SUZ12: variants seen among roughly 807,000 people sequenced by gnomAD.
The protein encoded by SUZ12 is SUZ12 polycomb repressive complex 2 subunit, also known as polycomb protein SUZ12.
A neutral mutation model predicts 87.3 loss-of-function variants in SUZ12; 17 were observed. The observed-to-expected ratio is 0.19, with a 90% CI of 0.13 to 0.29. The LOEUF is 0.29. Among genes scored for constraint, SUZ12 ranks in the 10% least tolerant of loss-of-function variants. SUZ12 has a pLI of 1.00. For missense variants in SUZ12, 526 were observed against 912.2 expected, an observed-to-expected ratio of 0.58 and a Z score of 5.45; for synonymous variants, 253 against 312.4, an observed-to-expected ratio of 0.81 and a Z score of 2.01.
rs373188812 is a variant in SUZ12 at position 31,947,680 on chromosome 17, T to G, written c.450T>G (p.Ser150=). Residue 150 remains serine, a synonymous_variant, in exon 4 of 16, where the codon TCT becomes TCG. Transcript: ENST00000322652. ...AGAAAATGAAAGGAGAGCAAGAATC[T>G]CATAGGTAAGATAATCTATCAGTTT... ...KVEKMKGEQE[S]HSLSAHLQLT... is the part of the protein sequence containing the mutation. 1 of 1,607,844 alleles carries G rather than the reference T, an allele frequency of 6.2e-7. No individual in the cohort carries two copies. Among genetic ancestry groups the G allele is most frequent in the Non-Finnish European group, 8.5e-7 (1 of 1,176,404 alleles).
intron 4 of SUZ12, among the ~76,000 whole-genome samples, chr17:31,954,057 CTATT>C (rs761551803): frequency 7.9e-5 from 12 of 150,978 alleles, no homozygotes; most frequent in South Asian, 2.1e-4. Flanking sequence ...CCTTTTTTGA[CTATT>C]TATTTATTTA....
chr17:31,990,502 T>TAA (rs2142208841), intron 10 of SUZ12, among the ~76,000 whole-genome samples: 1 of 152,138 alleles, frequency 6.6e-6, no homozygotes, highest in South Asian at 2.1e-4. Flanking sequence ...TAGCTGACAT[T>TAA]ACAGGCACAC....
At chr17:31,939,199 T>TA (rs1282676081) in intron 1 of SUZ12, among the ~76,000 whole-genome samples, 1 of 152,186 alleles carries the variant, frequency 6.6e-6, no homozygotes, top group Non-Finnish European at 1.5e-5. Flanking sequence ...ACAAAATAGA[T>TA]ACAACTTTAA....
rs1045554025 is a variant in SUZ12, at chr17:32,000,030, C to G, written c.*1027C>G. 1.3e-5 allele frequency: 3 copies of G among 232,694 alleles called. No homozygotes were observed. The highest frequency in any genetic ancestry group is 6.6e-5 in the African/African-American group (3 of 45,296). The allele number at this position is 232,694 out of a possible 1,614,324, so 14.4% of individuals were successfully genotyped here. A position where few individuals can be genotyped will look rare whatever the true frequency, so the allele number is the denominator to read the frequency against. On this transcript the variant is annotated 3_prime_UTR_variant, in exon 16 of 16. Transcript: ENST00000322652. ...ACTTGAATCATTTTGAGCAATTTTG[C>G]CCTGTGTTATATGTGTTTCACGCAC...
chr17:31,969,607 T>C (rs999110556), intron 5 of SUZ12, among the ~76,000 whole-genome samples: 2 of 152,156 alleles, frequency 1.3e-5, no homozygotes, highest in African/African-American at 2.4e-5. Flanking sequence ...AAAATAACTA[T>C]TCTATTTTAA....
chr17:31,975,346 T>C (rs146177775), intron 6 of SUZ12, 136 bp from the exon 7 acceptor site: 5 of 591,228 alleles, frequency 8.5e-6, no homozygotes, highest in Non-Finnish European at 1.4e-5. Flanking sequence ...TGCAGAACTA[T>C]GGTTAGAATT....
intron 10 of SUZ12, among the ~76,000 whole-genome samples, chr17:31,992,860 A>G (rs914111607): frequency 1.3e-5 from 2 of 152,064 alleles, no homozygotes; most frequent in Middle Eastern, 3.4e-3. Context: ...GCCCGCCACC[A>G]CGCCCTGCTA....
chr17:31,995,772 A>T lies in SUZ12; in HGVS notation c.1794+10A>T, dbSNP rs754291430. Reference sequence around the variant, plus strand: ...AGAAAAAACCATTACAGTAATTATTATTATCTTTATTGGCAATTATCTTGG... The same window carrying T: ...AGAAAAAACCATTACAGTAATTATTTTTATCTTTATTGGCAATTATCTTGG... On this transcript the variant is annotated intron_variant, in intron 14 of 15. Coordinates refer to ENST00000322652, the MANE Select transcript of SUZ12 (RefSeq NM_015355.4). 7 of 1,565,652 alleles carry T rather than the reference A, an allele frequency of 4.5e-6. No homozygotes were observed. Among genetic ancestry groups the T allele is most frequent in the Non-Finnish European group, 5.3e-6 (6 of 1,142,704 alleles).
chr17:31,989,387 A>G (rs906839682), intron 10 of SUZ12, among the ~76,000 whole-genome samples: 1 of 150,488 alleles, frequency 6.6e-6, no homozygotes, highest in African/African-American at 2.4e-5. Flanking sequence ...ATTTGAATTG[A>G]AAAAAAAAAT....
At chr17:31,996,698 A>G in intron 14 of SUZ12, 100 bp from the exon 15 acceptor site, 3 of 732,536 alleles carry the variant, frequency 4.1e-6, no homozygotes, top group Non-Finnish European at 6.5e-6. Context: ...TGCTGTATAA[A>G]TATGTTGTAT....
At position 31,993,915 on chromosome 17, in the gene SUZ12, G is replaced by A. The variant is rs1909846898; in HGVS notation, c.1344G>A (p.Leu448=). ...TRQQTEARDD[L]HCPWCTLNCR... ...AACAAACTGAAGCAAGAGATGACCTGCATTGCCCTTGGTGTACTCTGAACT... is the reference window on the plus strand; with the variant it reads ...AACAAACTGAAGCAAGAGATGACCTACATTGCCCTTGGTGTACTCTGAACT... Residue 448 remains leucine, a synonymous_variant, in exon 12 of 16, where the codon CTG becomes CTA. Transcript: ENST00000322652. 1 of 1,613,522 alleles carries A rather than the reference G, an allele frequency of 6.2e-7. No individual in the cohort carries two copies. The highest frequency in any genetic ancestry group is 8.5e-7 in the Non-Finnish European group (1 of 1,179,856).
At chr17:31,987,305 T>C (rs1368103954) in intron 9 of SUZ12, among the ~76,000 whole-genome samples, 1 of 152,222 alleles carries the variant, frequency 6.6e-6, no homozygotes, top group Non-Finnish European at 1.5e-5. Context: ...TGAGATCAAC[T>C]GGCAGTGTCC....
chr17:31,963,218 C>T (rs1907847175), intron 4 of SUZ12, among the ~76,000 whole-genome samples: 1 of 151,102 alleles, frequency 6.6e-6, no homozygotes, highest in African/African-American at 2.4e-5. Flanking sequence ...AATCTTGGCT[C>T]ACTGCAGCCT....
Position 31,999,108 on chromosome 17 carries a change from C to A in SUZ12, c.*105C>A. ...TTTAATCATATGTTCCAAACAGGCA[C>A]TGTTAGATGAAGTAAATGATTTCAA... is the stretch of plus-strand genomic sequence containing the variant. On this transcript the variant is annotated 3_prime_UTR_variant, in exon 16 of 16. Coordinates refer to ENST00000322652, the MANE Select transcript of SUZ12 (RefSeq NM_015355.4). 1.1e-6 allele frequency: 1 copy of A among 931,526 alleles called. No homozygotes were observed. The highest frequency in any genetic ancestry group is 1.5e-6 in the Non-Finnish European group (1 of 653,176). 57.7% of individuals were successfully genotyped at this position (931,526 alleles called of 1,614,324 possible). A position where few individuals can be genotyped will look rare whatever the true frequency, so the allele number is the denominator to read the frequency against.
intron 4 of SUZ12, among the ~76,000 whole-genome samples, chr17:31,954,067 A>T (rs923542819): frequency 7.5e-5 from 11 of 147,122 alleles, no homozygotes; most frequent in Admixed American, 6.2e-4. Flanking sequence ...CTATTTATTT[A>T]TTTATTTATT....
At position 31,999,017 on chromosome 17, in the gene SUZ12, C is replaced by A; in HGVS notation, c.*14C>A. ...CAAAAACTCTGAAAAGCTCTAACCC[C>A]ATGTTATGGACAAACACTGAAATTA... is the stretch of plus-strand genomic sequence containing the variant. On this transcript the variant is annotated 3_prime_UTR_variant, in exon 16 of 16. Coordinates refer to ENST00000322652, the MANE Select transcript of SUZ12 (RefSeq NM_015355.4). 1 of 1,509,920 alleles carries A rather than the reference C, an allele frequency of 6.6e-7. No individual in the cohort carries two copies. The highest frequency in any genetic ancestry group is 1.4e-5 in the South Asian group (1 of 72,612). 93.5% of individuals were successfully genotyped at this position (1,509,920 alleles called of 1,614,324 possible). A position where few individuals can be genotyped will look rare whatever the true frequency, so the allele number is the denominator to read the frequency against.
At chr17:31,966,099 A>G (rs1456555620) in intron 4 of SUZ12, 48 bp from the exon 5 acceptor site, 1 of 1,476,082 alleles carries the variant, frequency 6.8e-7, no homozygotes, top group African/African-American at 1.4e-5. Flanking sequence ...AGGTTATTTT[A>G]CTACAGAGCA....
chr17:31,953,412 T>C (rs1194630140), intron 4 of SUZ12, among the ~76,000 whole-genome samples: 2 of 151,990 alleles, frequency 1.3e-5, no homozygotes, highest in Non-Finnish European at 2.9e-5. Flanking sequence ...TGCCTGGCTT[T>C]ATTTTTATTT....
chr17:31,963,532 C>CTT (rs1222139419), intron 4 of SUZ12, among the ~76,000 whole-genome samples: 2 of 151,880 alleles, frequency 1.3e-5, no homozygotes, highest in Admixed American at 6.6e-5. Flanking sequence ...GAGTCTCACT[C>CTT]TGTCGCCCAT....
Sources: gnomAD v4.1 joint callset for allele counts (sites outside exome capture counted in the v4.1 genomes callset) on GRCh38, gnomAD v4.1.1 for gene constraint, MANE v1.5 for transcripts, NCBI Gene and HGNC (gene_info 2026-07-23, HGNC 2026-07-21) for gene names.